The following PRRC2B variants were observed in gnomAD, a reference collection of about 807,000 sequenced individuals.
PRRC2B encodes protein PRRC2B.
Under a neutral mutation model 242.3 loss-of-function variants are expected in PRRC2B, and 68 were observed. The ratio of observed to expected loss-of-function variants is 0.28; its 90% confidence interval spans 0.23 to 0.34. PRRC2B has a LOEUF of 0.34. Among genes scored for constraint, PRRC2B ranks in the 10% least tolerant of loss-of-function variants. The pLI is 1.00. For missense variants in PRRC2B, 2,835 were observed against 2,954.8 expected, an observed-to-expected ratio of 0.96 and a Z score of 0.94; for synonymous variants, 1,228 against 1,173.6, an observed-to-expected ratio of 1.05 and a Z score of -0.95.
Position 131,470,925 on chromosome 9 carries a change from A to G in PRRC2B, c.2049A>G (p.Pro683=), listed in dbSNP as rs1261770471. 4.3e-6 allele frequency: 7 copies of G among 1,609,734 alleles called. No homozygotes were observed. The highest frequency in any genetic ancestry group is 5.9e-6 in the Non-Finnish European group (7 of 1,178,500). The change falls in exon 14 of 32, where the codon CCA becomes CCG. Residue 683 remains proline (P), a synonymous_variant. Transcript: ENST00000683519. Reference sequence around the variant, plus strand: ...TGATGATGCCTTCCTACATGGACCCACGTATCACGCCCACTCGGACCCCGG... The same window carrying G: ...TGATGATGCCTTCCTACATGGACCCGCGTATCACGCCCACTCGGACCCCGG... ...RWMMMPSYMD[P]RITPTRTPVD...
chr9:131,468,232 G>C (rs534546682), intron 13 of PRRC2B, among the ~76,000 whole-genome samples: 1 of 152,170 alleles, frequency 6.6e-6, no homozygotes, highest in African/African-American at 2.4e-5. Flanking sequence ...TACAGATGTA[G>C]GTTTGCAGGT....
chr9:131,493,585 A>G (rs753815086), intron 30 of PRRC2B, among the ~76,000 whole-genome samples: 4 of 152,258 alleles, frequency 2.6e-5, no homozygotes, highest in Admixed American at 6.5e-5. Flanking sequence ...TTTGGAGCAT[A>G]TTTAGAAAGT....
chr9:131,415,627 T>C (rs1564277365), intron 1 of PRRC2B, among the ~76,000 whole-genome samples: 1 of 152,252 alleles, frequency 6.6e-6, no homozygotes, highest in African/African-American at 2.4e-5. Context: ...CTTGGTCAGC[T>C]GAGTATTGGA....
intron 1 of PRRC2B, among the ~76,000 whole-genome samples, chr9:131,395,053 G>C (rs1446291643): frequency 1.3e-5 from 2 of 151,536 alleles, no homozygotes; most frequent in African/African-American, 4.9e-5. Flanking sequence ...GAGTGGATTT[G>C]CCTTAAGAGG....
At position 131,487,726 on chromosome 9, in the gene PRRC2B, T is replaced by C. The variant is rs1944066630; in HGVS notation, c.5985-130T>C. On this transcript the variant is annotated intron_variant, in intron 27 of 31. Coordinates refer to ENST00000683519, the MANE Select transcript of PRRC2B (RefSeq NM_013318.4). This position sits in a 1 kb window ranked among gnomAD's most constrained non-coding sequence, Gnocchi z 5.3. Reference sequence around the variant, plus strand: ...TTCTCAGGCCCCATCCTGGACCCTCTGAGTCGCGCTCTGGGGGTGGGGCCG... The same window carrying C: ...TTCTCAGGCCCCATCCTGGACCCTCCGAGTCGCGCTCTGGGGGTGGGGCCG... The C allele has an allele frequency of 1.6e-6, 2 of 1,245,466 alleles. No individual in the cohort carries two copies. The highest frequency in any genetic ancestry group is 2.2e-6 in the Non-Finnish European group (2 of 913,824). The allele number at this position is 1,245,466 out of a possible 1,614,324, so 77.2% of individuals were successfully genotyped here. A position where few individuals can be genotyped will look rare whatever the true frequency, so the allele number is the denominator to read the frequency against.
At position 131,400,898 on chromosome 9, in the gene PRRC2B, G is replaced by C. The variant is rs1055449441; in HGVS notation, c.-52+6635G>C. Among the ~76,000 whole-genome samples the C allele has an allele frequency of 2.6e-5, 4 of 152,072 alleles. No individual in the cohort carries two copies. The East Asian group carries it at 5.8e-4, about 22-fold the overall frequency. ...ACTCCTGGGGAGATCCTGGTCTGGT[G>C]GGGAGGAGGCCCTGGAGAGCCCCCC... On this transcript the variant is annotated intron_variant, in intron 1 of 31. Coordinates refer to ENST00000683519, the MANE Select transcript of PRRC2B (RefSeq NM_013318.4).
rs1943872164 is a variant in PRRC2B at position 131,481,650 on chromosome 9, T to C, written c.4901-76T>C. 8 of 1,195,722 alleles carry C rather than the reference T, an allele frequency of 6.7e-6. No individual in the cohort carries two copies. In the East Asian group the frequency reaches 2.0e-4, roughly 31 times the overall value. The allele number at this position is 1,195,722 out of a possible 1,614,324, so 74.1% of individuals were successfully genotyped here. A position where few individuals can be genotyped will look rare whatever the true frequency, so the allele number is the denominator to read the frequency against. ...GGATTTCTGCAAGCTGTGCCTGTGC[T>C]TGTTCTTTAAGAGCTCATAAACTCT... On this transcript the variant is annotated intron_variant, in intron 19 of 31. Transcript: ENST00000683519.
intron 11 of PRRC2B, among the ~76,000 whole-genome samples, chr9:131,463,410 G>C (rs1423075684): frequency 6.6e-6 from 1 of 151,992 alleles, no homozygotes; most frequent in African/African-American, 2.4e-5. Context: ...TGTGTTACTA[G>C]CATTCAAAAT....
intron 1 of PRRC2B, among the ~76,000 whole-genome samples, chr9:131,421,109 G>T (rs927651366): frequency 6.6e-6 from 1 of 152,206 alleles, no homozygotes; most frequent in Non-Finnish European, 1.5e-5. Flanking sequence ...AGCAATTGCA[G>T]CAGAGAGCTC....
chr9:131,439,901 T>A (rs781212647), intron 5 of PRRC2B, among the ~76,000 whole-genome samples: 1 of 21,106 alleles, frequency 4.7e-5, no homozygotes. Flanking sequence ...ATCTGGCTGA[T>A]TTTTTTTTTT....
intron 9 of PRRC2B, chr9:131,448,034 T>C: frequency 2.5e-6 from 1 of 395,510 alleles, no homozygotes; most frequent in Non-Finnish European, 4.4e-6. Context: ...GATCTTAGAG[T>C]TTTGTTGTTA....
intron 8 of PRRC2B, 47 bp from the exon 9 acceptor site, chr9:131,447,615 T>G: frequency 6.7e-7 from 1 of 1,490,990 alleles, no homozygotes; most frequent in Non-Finnish European, 9.0e-7. Flanking sequence ...TTGATTTTGC[T>G]TCCGTCTGTA....
At chr9:131,477,550 G>A (rs1413565718) in intron 16 of PRRC2B, among the ~76,000 whole-genome samples, 194 bp from the exon 17 acceptor site, 1 of 152,168 alleles carries the variant, frequency 6.6e-6, no homozygotes, top group Admixed American at 6.5e-5. Context: ...GAGCCGGTGG[G>A]GGCAGCCTTA....
intron 1 of PRRC2B, among the ~76,000 whole-genome samples, chr9:131,383,600 CTTTT>C (rs561717754): frequency 1.7e-5 from 2 of 120,618 alleles, no homozygotes; most frequent in African/African-American, 3.2e-5. Context: ...TTTGGTTTCT[CTTTT>C]TTTTTTTTTT....
chr9:131,431,592 T>C (rs1838174137), intron 2 of PRRC2B, among the ~76,000 whole-genome samples: 1 of 149,394 alleles, frequency 6.7e-6, no homozygotes, highest in African/African-American at 2.5e-5. Flanking sequence ...AGAATTTTTT[T>C]TTTTTTTTGA....
intron 11 of PRRC2B, among the ~76,000 whole-genome samples, chr9:131,461,514 G>A (rs1192292539): frequency 6.6e-6 from 1 of 152,184 alleles, no homozygotes; most frequent in Non-Finnish European, 1.5e-5. Context: ...ACTTGGTAAA[G>A]CCTGCTATTT....
At position 131,475,334 on chromosome 9, in the gene PRRC2B, C is replaced by T. The variant is rs372606484; in HGVS notation, c.3205C>T (p.Arg1069Cys). Residue 1069 changes from arginine (R) to cysteine (C), a missense_variant, in exon 16 of 32, where the codon CGT (arginine) becomes TGT (cysteine). Arg to Cys is a radical substitution (Grantham distance 180, BLOSUM62 -3). This residue lies in a region of PRRC2B where 1,536 missense variants were observed against 1,483.1 expected (regional missense o/e 1.04). Transcript: ENST00000683519. The part of the protein sequence containing the change: ...GVRGQARGRG[R>C]GFREFTFRGR... ...CAGAGGACAGGCCCGGGGCCGGGGCCGTGGTTTCAGAGAGTTCACTTTTCG... is the reference window on the plus strand; with the variant it reads ...CAGAGGACAGGCCCGGGGCCGGGGCTGTGGTTTCAGAGAGTTCACTTTTCG... 8.2e-6 allele frequency: 13 copies of T among 1,592,172 alleles called. No homozygotes were observed. The highest frequency in any genetic ancestry group is 4.5e-5 in the East Asian group (2 of 44,672).
At chr9:131,432,956 C>T (rs1412258092) in intron 3 of PRRC2B, among the ~76,000 whole-genome samples, 162 bp downstream of exon 3, 4 of 152,242 alleles carry the variant, frequency 2.6e-5, no homozygotes, top group African/African-American at 9.6e-5. Context: ...TGCTTCCTCT[C>T]TGGCCCTGGT....
Position 131,459,145 on chromosome 9 carries a change from C to A in PRRC2B, c.1212-19C>A. 6.2e-7 allele frequency: 1 copy of A among 1,606,996 alleles called. No individual in the cohort carries two copies. Among genetic ancestry groups the A allele is most frequent in the Non-Finnish European group, 8.5e-7 (1 of 1,174,454 alleles). On this transcript the variant is annotated intron_variant, in intron 10 of 31. Coordinates refer to ENST00000683519, the MANE Select transcript of PRRC2B (RefSeq NM_013318.4). ...TGGCCTGAGTGCAAAAACTTAACAT[C>A]AAATGTGGTTTGTCCTAGGAACAGT...
Sources: allele counts gnomAD v4.1 joint callset (sites outside exome capture counted in the v4.1 genomes callset), GRCh38; gene constraint gnomAD v4.1.1; regional missense constraint gnomAD v4.1.1; non-coding constraint Gnocchi (gnomAD v3.1); transcripts MANE v1.5; gene names NCBI Gene and HGNC (gene_info 2026-07-23, HGNC 2026-07-21).